Variants in MACO1 observed in about 807,000 individuals in gnomAD.
MACO1 encodes macoilin.
Under a neutral mutation model 78.7 loss-of-function variants are expected in MACO1, and 14 were observed. The observed-to-expected ratio is 0.18, with a 90% CI of 0.12 to 0.28. The LOEUF (loss-of-function observed/expected upper bound fraction) is 0.28. Ranked by LOEUF, MACO1 falls within the 10% of genes least tolerant of loss-of-function variation. The probability of loss-of-function intolerance (pLI) is 1.00; values close to 1 mark genes in which losing one functional copy is unlikely to be tolerated. For synonymous variants in MACO1, 288 were observed against 291.6 expected, an observed-to-expected ratio of 0.99 and a Z score of 0.12; for missense variants, 501 against 799.0, an observed-to-expected ratio of 0.63 and a Z score of 4.50.
chr1:25,476,422 G>T (rs1404578236), intron 6 of MACO1, among the ~76,000 whole-genome samples: 1 of 152,200 alleles, frequency 6.6e-6, no homozygotes, highest in East Asian at 1.9e-4. Context: ...CTTCATGTCA[G>T]TATTTCCAAA....
chr1:25,440,125 T>C (rs1470408712), intron 1 of MACO1, among the ~76,000 whole-genome samples: 1 of 151,094 alleles, frequency 6.6e-6, no homozygotes, highest in Non-Finnish European at 1.5e-5. Context: ...TGGTGGCTCA[T>C]GCCTGTAGTC....
At position 25,431,138 on chromosome 1, in the gene MACO1, C is replaced by T. The variant is rs1422681732; in HGVS notation, c.40C>T (p.Pro14Ser). 6.3e-7 allele frequency: 1 copy of T among 1,598,824 alleles called. No homozygotes were observed. Among genetic ancestry groups the T allele is most frequent in the Non-Finnish European group, 8.5e-7 (1 of 1,174,860 alleles). Residue 14 changes from proline (P) to serine (S), a missense_variant, in exon 1 of 11, where the codon CCC becomes TCC. Around this residue, in one of 5 missense-constraint regions of MACO1, gnomAD observed 171 missense variants for 292.1 expected, o/e 0.59. Transcript: ENST00000374343. ...RNADCSKLRR[P>S]LKRNRITEGI... ...CGCCGACTGCAGTAAGCTCCGCCGC[C>T]CCCTAAAGCGGAACCGGATCACCGA...
chr1:25,481,345 C>G (rs1437857357), intron 6 of MACO1, among the ~76,000 whole-genome samples: 1 of 152,120 alleles, frequency 6.6e-6, no homozygotes, highest in Non-Finnish European at 1.5e-5. Flanking sequence ...CCTAGAAATC[C>G]TAGCCCAAAC....
At chr1:25,454,832 G>A (rs1162448014) in intron 4 of MACO1, among the ~76,000 whole-genome samples, 1 of 151,988 alleles carries the variant, frequency 6.6e-6, no homozygotes, top group Non-Finnish European at 1.5e-5. Flanking sequence ...AGAATGTTAA[G>A]TTCAACTGTA....
In MACO1 at chr1:25,452,166, G is replaced by A. The variant is rs1322231239; in HGVS notation, c.350-2093G>A. Among the ~76,000 whole-genome samples the A allele has an allele frequency of 2.6e-5, 4 of 152,106 alleles. No individual in the cohort carries two copies. The East Asian group carries it at 7.7e-4, about 29-fold the overall frequency. ...TGGGGTTTACTCTTCAACAAAATGAGGAAGTTAGACAAAATGATCTTCCTA... is the reference window on the plus strand; with the variant it reads ...TGGGGTTTACTCTTCAACAAAATGAAGAAGTTAGACAAAATGATCTTCCTA... On this transcript the variant is annotated intron_variant, in intron 3 of 10. Coordinates refer to ENST00000374343, the MANE Select transcript of MACO1 (RefSeq NM_018202.6).
At chr1:25,486,221 A>G (rs1160224716) in intron 8 of MACO1, among the ~76,000 whole-genome samples, 1 of 152,226 alleles carries the variant, frequency 6.6e-6, no homozygotes, top group Non-Finnish European at 1.5e-5. Context: ...AGAAAGATAA[A>G]ATCTTGGTTG....
intron 10 of MACO1, among the ~76,000 whole-genome samples, chr1:25,494,796 T>C (rs1037070379): frequency 6.6e-6 from 1 of 152,086 alleles, no homozygotes; most frequent in Non-Finnish European, 1.5e-5. Context: ...AAGAATAAGT[T>C]TGGTTTTGGA....
intron 6 of MACO1, among the ~76,000 whole-genome samples, chr1:25,482,803 A>G (rs867443542): frequency 3.8e-4 from 58 of 152,194 alleles, no homozygotes; most frequent in African/African-American, 1.3e-3. Flanking sequence ...AAAAATGGGA[A>G]TAGGAATTGC....
intron 10 of MACO1, among the ~76,000 whole-genome samples, chr1:25,497,723 A>G (rs955558187): frequency 2.0e-5 from 3 of 152,150 alleles, no homozygotes; most frequent in Admixed American, 6.5e-5. Flanking sequence ...TATTACTGTG[A>G]CTGAGTCTGA....
intron 4 of MACO1, among the ~76,000 whole-genome samples, chr1:25,455,012 G>T (rs1446269951): frequency 3.3e-5 from 5 of 152,052 alleles, no homozygotes; most frequent in Admixed American, 3.3e-4. Context: ...GCCTCACTGG[G>T]TCATGGGAAA....
At chr1:25,453,272 T>C (rs1437534832) in intron 3 of MACO1, among the ~76,000 whole-genome samples, 2 of 151,318 alleles carry the variant, frequency 1.3e-5, no homozygotes, top group African/African-American at 4.9e-5. Flanking sequence ...CCCAAAGTGC[T>C]GGGATTACAG....
intron 6 of MACO1, among the ~76,000 whole-genome samples, chr1:25,465,276 G>A (rs552355379): frequency 8.9e-4 from 135 of 152,248 alleles, no homozygotes; most frequent in Non-Finnish European, 1.4e-3. Flanking sequence ...TCTATGTGCC[G>A]GTTTTGGGGT....
chr1:25,434,132 A>G lies in MACO1; in HGVS notation c.80+2954A>G, dbSNP rs1008017241. ...GAGATGCAAGGAAAATTAATTTTAGACATTATGTTAATGTAATCTGCATTT... is the reference window on the plus strand; with the variant it reads ...GAGATGCAAGGAAAATTAATTTTAGGCATTATGTTAATGTAATCTGCATTT... On this transcript the variant is annotated intron_variant, in intron 1 of 10. Transcript: ENST00000374343. Among the ~76,000 whole-genome samples, 4 of 152,228 alleles carry G rather than the reference A, an allele frequency of 2.6e-5. No homozygotes were observed. In the East Asian group the frequency reaches 7.7e-4, roughly 29 times the overall value.
At chr1:25,474,007 G>A (rs1481246862) in intron 6 of MACO1, among the ~76,000 whole-genome samples, 5 of 152,198 alleles carry the variant, frequency 3.3e-5, no homozygotes, top group Admixed American at 6.5e-5. Context: ...AGCAAGTATT[G>A]CAGACTCAGA....
In MACO1 at chr1:25,457,732, TTTTTA is replaced by T. The variant is rs150056667; in HGVS notation, c.653-655_653-651del. 5.7e-3 allele frequency among the ~76,000 whole-genome samples: 863 copies of T among 152,334 alleles called. 7 individuals carry two copies. The highest frequency in any genetic ancestry group is 0.018 in the African/African-American group (730 of 41,580). Reference sequence around the variant, plus strand: ...TGAAAGTTGAAAGTTTGAGGTCATGTTTTTATTTAATATATTTCAAAATTTTCTTT... The same window carrying T: ...TGAAAGTTGAAAGTTTGAGGTCATGTTTTAATATATTTCAAAATTTTCTTT... On this transcript the variant is annotated intron_variant, in intron 5 of 10. Transcript: ENST00000374343.
intron 1 of MACO1, among the ~76,000 whole-genome samples, chr1:25,440,505 A>C (rs1361431054): frequency 6.6e-6 from 1 of 152,094 alleles, no homozygotes; most frequent in Non-Finnish European, 1.5e-5. Context: ...ACAGTGGCTC[A>C]CGCCTGTAAT....
chr1:25,457,253 G>T (rs1272318348), intron 5 of MACO1, among the ~76,000 whole-genome samples: 1 of 151,686 alleles, frequency 6.6e-6, no homozygotes, highest in Non-Finnish European at 1.5e-5. Context: ...CCATGGGCAC[G>T]TGCCACCATG....
intron 6 of MACO1, among the ~76,000 whole-genome samples, chr1:25,483,215 T>G (rs969427973): frequency 3.3e-5 from 5 of 152,164 alleles, no homozygotes; most frequent in African/African-American, 1.2e-4. Context: ...CATGCCCAGC[T>G]AATTTTTGTA....
chr1:25,488,258 C>T (rs1333931827), intron 8 of MACO1, among the ~76,000 whole-genome samples: 1 of 151,990 alleles, frequency 6.6e-6, no homozygotes, highest in Admixed American at 6.6e-5. Flanking sequence ...CTCTGTGTTG[C>T]CCAGGCTGAT....
Sources: gnomAD v4.1 joint callset for allele counts (sites outside exome capture counted in the v4.1 genomes callset) on GRCh38, gnomAD v4.1.1 for gene constraint, gnomAD v4.1.1 regional missense constraint, MANE v1.5 for transcripts, NCBI Gene and HGNC (gene_info 2026-07-23, HGNC 2026-07-21) for gene names.